CADM1: variants seen among roughly 807,000 people sequenced by gnomAD.
CADM1 encodes the protein cell adhesion molecule 1.
In CADM1, 15 loss-of-function variants were observed where a neutral mutation model predicts 53.1. That is an observed-to-expected ratio of 0.28 (90% confidence interval 0.19 to 0.44). The LOEUF (loss-of-function observed/expected upper bound fraction) is 0.44. Ranked by LOEUF, CADM1 falls within the 20% of genes least tolerant of loss-of-function variation. CADM1 has a pLI of 1.00. For missense variants in CADM1, 434 were observed against 611.3 expected, an observed-to-expected ratio of 0.71 and a Z score of 3.06; for synonymous variants, 281 against 243.0, an observed-to-expected ratio of 1.16 and a Z score of -1.45.
intron 1 of CADM1, among the ~76,000 whole-genome samples, chr11:115,317,730 C>G (rs1170120052): frequency 6.6e-6 from 1 of 152,144 alleles, no homozygotes; most frequent in Non-Finnish European, 1.5e-5. Flanking sequence ...AGATGGAGTG[C>G]CCTGCAGTCA....
At chr11:115,482,406 C>A (rs1291180838) in intron 1 of CADM1, among the ~76,000 whole-genome samples, 1 of 152,196 alleles carries the variant, frequency 6.6e-6, no homozygotes, top group Non-Finnish European at 1.5e-5. Flanking sequence ...TAGTGCTTAT[C>A]AGTGTCTAGC....
At chr11:115,214,831 T>C in intron 6 of CADM1, 51 bp from the exon 7 acceptor site, 1 of 1,546,522 alleles carries the variant, frequency 6.5e-7, no homozygotes, top group Non-Finnish European at 8.9e-7. Flanking sequence ...CCCCATTGCA[T>C]CAAACTGCTC....
intron 1 of CADM1, among the ~76,000 whole-genome samples, chr11:115,425,145 T>C (rs1054170033): frequency 1.6e-4 from 24 of 152,190 alleles, no homozygotes; most frequent in African/African-American, 5.3e-4. Flanking sequence ...TCCCTGAATG[T>C]TTTTAAAAAT....
chr11:115,440,913 G>T (rs1050931045), intron 1 of CADM1, among the ~76,000 whole-genome samples: 2 of 151,966 alleles, frequency 1.3e-5, no homozygotes, highest in Non-Finnish European at 2.9e-5. Context: ...AGTGTAGCTG[G>T]GACCACAGGT....
chr11:115,430,509 G>A (rs1948018297), intron 1 of CADM1, among the ~76,000 whole-genome samples: 1 of 152,178 alleles, frequency 6.6e-6, no homozygotes. Flanking sequence ...CTGCCTTAGT[G>A]AGAACCACCT....
chr11:115,442,447 A>G (rs943769680), intron 1 of CADM1, among the ~76,000 whole-genome samples: 20 of 152,148 alleles, frequency 1.3e-4, no homozygotes, highest in African/African-American at 4.8e-4. Context: ...TTATGTCACA[A>G]GCGAATAGAC....
At chr11:115,284,114 C>CTCTGTGTG (rs1351842329) in intron 1 of CADM1, among the ~76,000 whole-genome samples, 5 of 98,616 alleles carry the variant, frequency 5.1e-5, no homozygotes, top group African/African-American at 1.5e-4. Context: ...CTCTCTCTCT[C>CTCTGTGTG]TGTGTGTGTG....
At chr11:115,305,280 T>A (rs981473186) in intron 1 of CADM1, among the ~76,000 whole-genome samples, 1 of 152,000 alleles carries the variant, frequency 6.6e-6, no homozygotes, top group African/African-American at 2.4e-5. Flanking sequence ...GACTCCTGCC[T>A]ACGGGCGCCT....
At chr11:115,182,843 G>C (rs10891804) in intron 10 of CADM1, among the ~76,000 whole-genome samples, 150,656 of 152,318 alleles carry the variant, frequency 0.99, 74,533 homozygotes, top group East Asian at 1. Context: ...AAATCATGAG[G>C]TGTTTAGTAT....
At chr11:115,484,092 T>C (rs1285279162) in intron 1 of CADM1, among the ~76,000 whole-genome samples, 1 of 152,182 alleles carries the variant, frequency 6.6e-6, no homozygotes, top group Non-Finnish European at 1.5e-5. Flanking sequence ...ATAAAGGAGT[T>C]AAGAAAATGC....
At position 115,198,585 on chromosome 11, in the gene CADM1, C is replaced by T. The variant is rs551599585; in HGVS notation, c.1079-147G>A. Reference sequence around the variant, plus strand: ...GTGACAAGCAATAATAAATGAAAAGCAAAAAGCATTTGAAGTGAGTTGCAC... The same window carrying T: ...GTGACAAGCAATAATAAATGAAAAGTAAAAAGCATTTGAAGTGAGTTGCAC... On this transcript the variant is annotated intron_variant, in intron 8 of 11. Coordinates refer to ENST00000331581, the MANE Select transcript of CADM1 (RefSeq NM_001301043.2). 14 of 673,784 alleles carry T rather than the reference C, an allele frequency of 2.1e-5. No homozygotes were observed. In the South Asian group the frequency reaches 2.2e-4, roughly 10 times the overall value. The allele number at this position is 673,784 out of a possible 1,614,324, so 41.7% of individuals were successfully genotyped here. A position where few individuals can be genotyped will look rare whatever the true frequency, so the allele number is the denominator to read the frequency against.
intron 4 of CADM1, among the ~76,000 whole-genome samples, chr11:115,230,609 C>T (rs184432092): frequency 2.2e-3 from 335 of 152,292 alleles, no homozygotes; most frequent in African/African-American, 7.3e-3. Context: ...TGATGCAACA[C>T]CTGAGGTGCC....
At chr11:115,299,499 C>T (rs1944163549) in intron 1 of CADM1, among the ~76,000 whole-genome samples, 1 of 152,046 alleles carries the variant, frequency 6.6e-6, no homozygotes, top group Non-Finnish European at 1.5e-5. Flanking sequence ...GCTGAAAATG[C>T]ATGAGAATGG....
intron 1 of CADM1, among the ~76,000 whole-genome samples, chr11:115,269,973 T>C (rs1207427213): frequency 1.3e-5 from 2 of 152,320 alleles, no homozygotes; most frequent in Non-Finnish European, 1.5e-5. Flanking sequence ...TTTTTCCTGC[T>C]GGAAATTATG....
chr11:115,403,673 T>C (rs1346801890), intron 1 of CADM1, among the ~76,000 whole-genome samples: 1 of 152,150 alleles, frequency 6.6e-6, no homozygotes, highest in Non-Finnish European at 1.5e-5. Flanking sequence ...CTCGGCTTAC[T>C]GCAACCTCCA....
At chr11:115,295,781 TTC>T (rs936672013) in intron 1 of CADM1, among the ~76,000 whole-genome samples, 1 of 151,806 alleles carries the variant, frequency 6.6e-6, no homozygotes, top group Admixed American at 6.6e-5. Flanking sequence ...CAACATACTG[TTC>T]TCTCACCATG....
chr11:115,303,282 T>C (rs2135141448), intron 1 of CADM1, among the ~76,000 whole-genome samples: 1 of 152,176 alleles, frequency 6.6e-6, no homozygotes, highest in South Asian at 2.1e-4. Flanking sequence ...AGTATGCATG[T>C]AATCACTGAG....
At chr11:115,497,897 G>A (rs1949654842) in intron 1 of CADM1, among the ~76,000 whole-genome samples, 1 of 148,748 alleles carries the variant, frequency 6.7e-6, no homozygotes, top group South Asian at 2.1e-4. Flanking sequence ...TTCCCTGTTT[G>A]TCTGGAAACA....
At chr11:115,235,169 G>GTT (rs35400691) in intron 3 of CADM1, among the ~76,000 whole-genome samples, 41 of 143,108 alleles carry the variant, frequency 2.9e-4, no homozygotes, top group East Asian at 8.0e-4. Flanking sequence ...ACTTTGCTCA[G>GTT]TTTTTTTTTT....
Sources: gnomAD v4.1 joint callset for allele counts (sites outside exome capture counted in the v4.1 genomes callset) on GRCh38, gnomAD v4.1.1 for gene constraint, MANE v1.5 for transcripts, NCBI Gene and HGNC (gene_info 2026-07-23, HGNC 2026-07-21) for gene names.